Variants in TEAD1 observed in about 807,000 individuals in gnomAD.
TEAD1 encodes transcriptional enhancer factor TEF-1.
In TEAD1, 9 loss-of-function variants were observed where a neutral mutation model predicts 54.9. That is an observed-to-expected ratio of 0.16 (90% CI 0.10 to 0.29). The LOEUF is 0.29. TEAD1 is among the 10% of genes least tolerant of loss of function. TEAD1 has a pLI of 1.00. For synonymous variants in TEAD1, 200 were observed against 187.8 expected, an observed-to-expected ratio of 1.07 and a Z score of -0.53; for missense variants, 387 against 535.9, an observed-to-expected ratio of 0.72 and a Z score of 2.74.
intron 11 of TEAD1, among the ~76,000 whole-genome samples, chr11:12,927,739 TTTC>T (rs1948928730): frequency 6.6e-6 from 1 of 152,066 alleles, no homozygotes; most frequent in Non-Finnish European, 1.5e-5. Context: ...GGTTTGTCTC[TTTC>T]TTGTTAAATA....
At chr11:12,722,059 A>G (rs192938786) in intron 2 of TEAD1, among the ~76,000 whole-genome samples, 125 of 152,280 alleles carry the variant, frequency 8.2e-4, no homozygotes, top group Non-Finnish European at 1.0e-3. Flanking sequence ...GTGCAGGTGA[A>G]TTGGTTGCAG....
chr11:12,923,175 T>C (rs1948843567), intron 10 of TEAD1, among the ~76,000 whole-genome samples: 1 of 152,140 alleles, frequency 6.6e-6, no homozygotes, highest in Non-Finnish European at 1.5e-5. Flanking sequence ...CCTGTCACTG[T>C]TCCAGGCCTG....
intron 2 of TEAD1, among the ~76,000 whole-genome samples, chr11:12,735,113 A>G (rs1163898052): frequency 6.6e-6 from 1 of 152,196 alleles, no homozygotes; most frequent in Non-Finnish European, 1.5e-5. Context: ...CGTCCAGAAA[A>G]GCATTAGGGC....
intron 12 of TEAD1, among the ~76,000 whole-genome samples, chr11:12,930,741 A>G (rs139132545): frequency 6.6e-6 from 1 of 152,150 alleles, no homozygotes; most frequent in Non-Finnish European, 1.5e-5. Context: ...ACATTAGCCA[A>G]GTTTTAGTCT....
chr11:12,681,519 A>G (rs1212111553), intron 2 of TEAD1, among the ~76,000 whole-genome samples: 3 of 152,148 alleles, frequency 2.0e-5, no homozygotes, highest in Non-Finnish European at 1.5e-5. Flanking sequence ...CCAGAACACC[A>G]CTCAAGTGTC....
At chr11:12,684,820 A>G (rs138468846) in intron 2 of TEAD1, among the ~76,000 whole-genome samples, 3 of 152,308 alleles carry the variant, frequency 2.0e-5, no homozygotes, top group East Asian at 3.9e-4. Flanking sequence ...TGGGCCTTAA[A>G]TGTCACTCAA....
intron 5 of TEAD1, among the ~76,000 whole-genome samples, chr11:12,866,830 C>T (rs1453135363): frequency 6.6e-6 from 1 of 152,174 alleles, no homozygotes; most frequent in African/African-American, 2.4e-5. Context: ...GGTGCTTGCT[C>T]ACTGTGATGG....
intron 3 of TEAD1, among the ~76,000 whole-genome samples, chr11:12,811,730 T>A (rs1258969378): frequency 1.3e-5 from 2 of 151,448 alleles, no homozygotes; most frequent in Admixed American, 1.3e-4. Flanking sequence ...TTGGAATAGG[T>A]CTGTGAGAGG....
intron 3 of TEAD1, chr11:12,848,784 A>G (rs1947209130): frequency 6.7e-6 from 1 of 149,342 alleles, no homozygotes; most frequent in African/African-American, 2.4e-5. Context: ...CATCTCTACA[A>G]AAAATTAAAA....
At chr11:12,918,149 G>A (rs1425464542) in intron 10 of TEAD1, among the ~76,000 whole-genome samples, 2 of 151,972 alleles carry the variant, frequency 1.3e-5, no homozygotes, top group Non-Finnish European at 2.9e-5. Flanking sequence ...TTGGGAGGGG[G>A]GACGTGTCAG....
intron 9 of TEAD1, among the ~76,000 whole-genome samples, chr11:12,898,578 A>G (rs1322583198): frequency 1.3e-5 from 2 of 151,822 alleles, no homozygotes; most frequent in East Asian, 3.9e-4. Flanking sequence ...TATTTTTAGT[A>G]GAGATGGGGT....
intron 3 of TEAD1, among the ~76,000 whole-genome samples, chr11:12,783,525 A>T (rs371569608): frequency 2.0e-5 from 3 of 152,104 alleles, no homozygotes; most frequent in Admixed American, 6.5e-5. Context: ...ATACCTGTGG[A>T]GGGAATTTCC....
chr11:12,739,154 A>G (rs771275795), intron 2 of TEAD1, among the ~76,000 whole-genome samples: 14 of 152,222 alleles, frequency 9.2e-5, no homozygotes, highest in Non-Finnish European at 1.8e-4. Context: ...CACTGTGAGT[A>G]TAATTTGACT....
intron 3 of TEAD1, among the ~76,000 whole-genome samples, chr11:12,813,609 A>T (rs1946351311): frequency 6.6e-6 from 1 of 152,210 alleles, no homozygotes; most frequent in African/African-American, 2.4e-5. Flanking sequence ...TCTCTTTGAG[A>T]TAAGAGCTGT....
chr11:12,817,676 G>A (rs1257431635), intron 3 of TEAD1, among the ~76,000 whole-genome samples: 1 of 152,114 alleles, frequency 6.6e-6, no homozygotes, highest in African/African-American at 2.4e-5. Context: ...ATGTTAACGT[G>A]TTAATATTTC....
chr11:12,803,210 C>A (rs775374262), intron 3 of TEAD1, among the ~76,000 whole-genome samples: 11 of 151,470 alleles, frequency 7.3e-5, no homozygotes, highest in South Asian at 4.2e-4. Context: ...CTTTAATATT[C>A]CCTGTTTATA....
Position 12,903,901 on chromosome 11 carries a change from C to T in TEAD1, c.873+1788C>T, listed in dbSNP as rs553615748. Among the ~76,000 whole-genome samples the T allele has an allele frequency of 3.9e-5, 6 of 152,278 alleles. No individual in the cohort carries two copies. In the South Asian group the frequency reaches 6.2e-4, roughly 16 times the overall value. Reference sequence around the variant, plus strand: ...AATACACATGGACAACCTGAAAAAGCGATCACAGTCACATTTTCCTTTTCT... The same window carrying T: ...AATACACATGGACAACCTGAAAAAGTGATCACAGTCACATTTTCCTTTTCT... On this transcript the variant is annotated intron_variant, in intron 10 of 12. Coordinates refer to ENST00000527636, the MANE Select transcript of TEAD1 (RefSeq NM_021961.6).
At chr11:12,911,939 A>G (rs1455128345) in intron 10 of TEAD1, among the ~76,000 whole-genome samples, 1 of 151,938 alleles carries the variant, frequency 6.6e-6, no homozygotes, top group African/African-American at 2.4e-5. Context: ...TGCAATGTAT[A>G]TAATAGATTT....
chr11:12,912,428 A>G (rs903657635), intron 10 of TEAD1, among the ~76,000 whole-genome samples: 11 of 152,182 alleles, frequency 7.2e-5, no homozygotes, highest in African/African-American at 2.4e-5. Flanking sequence ...GAATCTTGAT[A>G]GAATTTGGTC....
Sources: allele counts gnomAD v4.1 joint callset (sites outside exome capture counted in the v4.1 genomes callset), GRCh38; gene constraint gnomAD v4.1.1; transcripts MANE v1.5; gene names NCBI Gene and HGNC (gene_info 2026-07-23, HGNC 2026-07-21).